The following BUB1 variants were observed in gnomAD, a reference collection of about 807,000 sequenced individuals.
BUB1 encodes the protein BUB1 mitotic checkpoint serine/threonine kinase.
A neutral mutation model predicts 135.2 loss-of-function variants in BUB1; 84 were observed. The ratio of observed to expected loss-of-function variants is 0.62; its 90% CI spans 0.52 to 0.74. The LOEUF is 0.74. BUB1 is among the 30% of genes least tolerant of loss of function. BUB1 has a pLI of 0.00. For missense variants in BUB1, 1,162 were observed against 1,288.3 expected (o/e 0.90, Z 1.50); for synonymous variants, 403 against 434.4 (o/e 0.93, Z 0.90).
At chr2:110,643,903 A>G (rs1458224660) in intron 19 of BUB1, among the ~76,000 whole-genome samples, 1 of 152,004 alleles carries the variant, frequency 6.6e-6, no homozygotes, top group Non-Finnish European at 1.5e-5. Flanking sequence ...ACAGGCAGAG[A>G]GAAACTGAGA....
intron 10 of BUB1, 105 bp downstream of exon 10, chr2:110,661,477 A>G (rs1407555958): frequency 7.3e-7 from 1 of 1,363,310 alleles, no homozygotes; most frequent in East Asian, 2.4e-5. Context: ...TAAAAGGCAG[A>G]CATCATTCAT....
In BUB1 at chr2:110,641,217, A is replaced by T. The variant is rs764435704; in HGVS notation, c.2784-12T>A. 1.3e-6 allele frequency: 2 copies of T among 1,590,920 alleles called. No homozygotes were observed. Among genetic ancestry groups the T allele is most frequent in the African/African-American group, 1.4e-5 (1 of 73,908 alleles). ...CCTGTTCCAAAAATCTATATTAAACACAAACAAAGCCAGGCTGCATGAGCA... is the reference window on the plus strand; with the variant it reads ...CCTGTTCCAAAAATCTATATTAAACTCAAACAAAGCCAGGCTGCATGAGCA... On this transcript the variant is annotated splice_polypyrimidine_tract_variant and intron_variant, in intron 22 of 24. Coordinates refer to ENST00000302759, the MANE Select transcript of BUB1 (RefSeq NM_004336.5).
At chr2:110,665,677 A>G (rs1690230698) in intron 9 of BUB1, among the ~76,000 whole-genome samples, 1 of 152,000 alleles carries the variant, frequency 6.6e-6, no homozygotes, top group African/African-American at 2.4e-5. Context: ...CTTTCATGTG[A>G]TATTTTAAAA....
At chr2:110,644,741 G>T (rs1689600249) in intron 19 of BUB1, among the ~76,000 whole-genome samples, 1 of 152,132 alleles carries the variant, frequency 6.6e-6, no homozygotes, top group Admixed American at 6.6e-5. Context: ...CAAGCAAGAA[G>T]AGAGTGGAGT....
intron 16 of BUB1, 133 bp from the exon 17 acceptor site, chr2:110,653,656 C>T: frequency 1.4e-6 from 1 of 728,138 alleles, no homozygotes; most frequent in Non-Finnish European, 2.2e-6. Flanking sequence ...AATAGTGTTC[C>T]ATTGTAAAAT....
At chr2:110,661,452 A>G in intron 10 of BUB1, 130 bp downstream of exon 10, 1 of 1,192,388 alleles carries the variant, frequency 8.4e-7, no homozygotes, top group South Asian at 1.7e-5. Context: ...TTTCAACAAC[A>G]TACCTATCTA....
intron 18 of BUB1, among the ~76,000 whole-genome samples, chr2:110,649,665 G>A (rs1017920084): frequency 2.6e-5 from 4 of 152,158 alleles, no homozygotes; most frequent in African/African-American, 9.7e-5. Context: ...GGAACGGCTA[G>A]ATTCTATCTT....
intron 9 of BUB1, among the ~76,000 whole-genome samples, chr2:110,662,670 C>G (rs530957560): frequency 3.3e-5 from 5 of 152,230 alleles, no homozygotes; most frequent in African/African-American, 1.2e-4. Flanking sequence ...GACATGGAAG[C>G]ATGTGTCTGT....
At position 110,661,954 on chromosome 2, in the gene BUB1, T is replaced by C. The variant is rs865906416; in HGVS notation, c.958-113A>G. On this transcript the variant is annotated intron_variant, in intron 9 of 24. Transcript: ENST00000302759. Reference sequence around the variant, plus strand: ...CATCTGTCTTCAATGGATTCCTTTTTCCTTGAAGTTTCCCCATACTCCTTC... The same window carrying C: ...CATCTGTCTTCAATGGATTCCTTTTCCCTTGAAGTTTCCCCATACTCCTTC... 100 of 1,295,668 alleles carry C rather than the reference T, an allele frequency of 7.7e-5. 1 individual carries two copies. The Middle Eastern group carries it at 5.3e-3, about 69-fold the overall frequency. 80.3% of individuals were successfully genotyped at this position (1,295,668 alleles called of 1,614,324 possible).
intron 9 of BUB1, among the ~76,000 whole-genome samples, chr2:110,664,628 G>A (rs1180931651): frequency 1.3e-5 from 2 of 148,644 alleles, no homozygotes; most frequent in Non-Finnish European, 3.0e-5. Context: ...CCTTCGAAAT[G>A]AGGACAGTAA....
At chr2:110,644,160 A>T (rs764134764) in intron 19 of BUB1, among the ~76,000 whole-genome samples, 1 of 151,842 alleles carries the variant, frequency 6.6e-6, no homozygotes, top group Non-Finnish European at 1.5e-5. Context: ...GAATGGGAAT[A>T]CCAGAAGGAA....
chr2:110,641,942 G>A, intron 20 of BUB1, 139 bp from the exon 21 acceptor site: 2 of 1,131,542 alleles, frequency 1.8e-6, no homozygotes, highest in Non-Finnish European at 2.5e-6. Context: ...TGTGGGGCTT[G>A]CTCCAAGACA....
chr2:110,647,672 A>G (rs1428415342), intron 19 of BUB1, among the ~76,000 whole-genome samples: 2 of 152,310 alleles, frequency 1.3e-5, no homozygotes, highest in Non-Finnish European at 2.9e-5. Flanking sequence ...AACTATGTAG[A>G]TGCTTTCCCC....
chr2:110,639,679 A>G (rs1689450144), intron 24 of BUB1, 63 bp downstream of exon 24: 2 of 1,257,244 alleles, frequency 1.6e-6, no homozygotes, highest in Admixed American at 3.9e-5. Flanking sequence ...TTTTTGCCAG[A>G]TGGAACCCAA....
At position 110,653,518 on chromosome 2, in the gene BUB1, C is replaced by T. The variant is rs1413112537; in HGVS notation, c.1882G>A (p.Val628Met). ...GCCTGGGTACACTGTTTTGCTACCA[C>T]ATTTTCTGAAAGATTCAAAAATTAG... The part of the protein sequence containing the change: ...SVHILEDKEN[V>M]VAKQCTQATL... The change falls in exon 17 of 25, where the codon GTG (valine) becomes ATG (methionine). Residue 628 changes from valine to methionine, a missense_variant. By Grantham distance (21) the Val-to-Met change is conservative. Coordinates refer to ENST00000302759, the MANE Select transcript of BUB1 (RefSeq NM_004336.5). The T allele has an allele frequency of 3.1e-6, 5 of 1,613,584 alleles. No homozygotes were observed. The African/African-American group carries it at 5.3e-5, about 17-fold the overall frequency.
At chr2:110,671,901 A>T (rs1317526425) in intron 4 of BUB1, among the ~76,000 whole-genome samples, 2 of 152,216 alleles carry the variant, frequency 1.3e-5, no homozygotes, top group Non-Finnish European at 2.9e-5. Flanking sequence ...AAAAAGTTTT[A>T]AAAATGTGAA....
At chr2:110,663,997 CCA>C (rs1039273283) in intron 9 of BUB1, among the ~76,000 whole-genome samples, 6 of 147,968 alleles carry the variant, frequency 4.1e-5, no homozygotes, top group Admixed American at 6.8e-5. Context: ...CCACTGCCCT[CCA>C]GCCTGGGAGA....
chr2:110,660,381 CA>C (rs1309579473), intron 10 of BUB1, among the ~76,000 whole-genome samples: 7 of 135,714 alleles, frequency 5.2e-5, no homozygotes, highest in Non-Finnish European at 6.5e-5. Context: ...CATCTCAAAA[CA>C]AAAAAAAAAC....
intron 11 of BUB1, 32 bp from the exon 12 acceptor site, chr2:110,658,774 C>G: frequency 6.2e-7 from 1 of 1,611,988 alleles, no homozygotes; most frequent in South Asian, 1.1e-5. Flanking sequence ...AATGTGGTAT[C>G]AGTAGGGAAA....
Sources: allele counts gnomAD v4.1 joint callset (sites outside exome capture counted in the v4.1 genomes callset), GRCh38; gene constraint gnomAD v4.1.1; transcripts MANE v1.5; gene names NCBI Gene and HGNC (gene_info 2026-07-23, HGNC 2026-07-21).